The following POLR1C variants were observed in gnomAD, a reference collection of about 807,000 sequenced individuals.
POLR1C encodes RNA polymerase I and III subunit C, also known as DNA-directed RNA polymerases I and III subunit RPAC1.
Under a neutral mutation model 38.3 loss-of-function variants are expected in POLR1C, and 42 were observed. The ratio of observed to expected loss-of-function variants is 1.10; its 90% CI spans 0.86 to 1.42. POLR1C has a LOEUF of 1.42. POLR1C is among the 40% of genes most tolerant of loss of function. POLR1C has a pLI of 0.00. For synonymous variants in POLR1C, 163 were observed against 163.9 expected (o/e 0.99, Z 0.04); for missense variants, 507 against 450.5 (o/e 1.13, Z -1.14).
At chr6:43,539,305 G>A (rs1794548664) in intron 9 of POLR1C, 3 of 1,554,504 alleles carry the variant, frequency 1.9e-6, no homozygotes, top group East Asian at 2.2e-5. Flanking sequence ...CGTGGCCACT[G>A]TAGTCCCCGA....
chr6:43,539,424 TG>T (rs1794558156), intron 9 of POLR1C: 1 of 1,565,034 alleles, frequency 6.4e-7, no homozygotes, highest in East Asian at 2.2e-5. Context: ...AAAAAGTCAA[TG>T]ATCTCTGATT....
downstream of POLR1C, among the ~76,000 whole-genome samples, chr6:43,534,488 A>G (rs553015277): frequency 2.6e-5 from 4 of 152,326 alleles, no homozygotes; most frequent in South Asian, 8.3e-4. Flanking sequence ...TTCCCAACAC[A>G]TGCTGTCCCC....
At chr6:43,525,270 TG>T (rs1793498456), downstream of POLR1C, 2 of 1,505,218 alleles carry the variant, frequency 1.3e-6, no homozygotes, top group African/African-American at 2.8e-5. Context: ...TTTTCTCTGA[TG>T]ATTATTACAC....
At chr6:43,524,439 GT>G (rs1793415998), downstream of POLR1C, 1 of 1,605,366 alleles carries the variant, frequency 6.2e-7, no homozygotes, top group Non-Finnish European at 8.5e-7. Flanking sequence ...TAAGAAGGGG[GT>G]TGGGAGCACT....
intron 9 of POLR1C, among the ~76,000 whole-genome samples, chr6:43,547,941 AAAG>A (rs2127728802): frequency 6.6e-6 from 1 of 152,334 alleles, no homozygotes; most frequent in East Asian, 1.9e-4. Context: ...TTCAAAATAT[AAAG>A]AAAATAATTT....
chr6:43,524,839 C>T, downstream of POLR1C: 2 of 1,612,180 alleles, frequency 1.2e-6, no homozygotes, highest in Middle Eastern at 1.8e-4. Flanking sequence ...ACCAGTGCCT[C>T]GTATATCTGG....
chr6:43,556,079 C>T, intron 10 of POLR1C: 1 of 1,385,284 alleles, frequency 7.2e-7, no homozygotes, highest in Non-Finnish European at 9.7e-7. Context: ...AACTGTTTTG[C>T]AGACTTGTGC....
At chr6:43,538,680 C>T in intron 9 of POLR1C, 1 of 413,600 alleles carries the variant, frequency 2.4e-6, no homozygotes, top group Non-Finnish European at 4.2e-6. Context: ...TGATTTAGGC[C>T]TATAATTTTC....
chr6:43,553,776 A>G (rs775223654), intron 10 of POLR1C: 24 of 373,932 alleles, frequency 6.4e-5, no homozygotes, highest in African/African-American at 2.5e-4. Flanking sequence ...TTGTAGTAAA[A>G]CCATTTTGAG....
chr6:43,540,574 A>G (rs1794638929), intron 9 of POLR1C, among the ~76,000 whole-genome samples: 1 of 152,198 alleles, frequency 6.6e-6, no homozygotes, highest in African/African-American at 2.4e-5. Flanking sequence ...AAGCGCTTGA[A>G]CCTGGGAGGT....
downstream of POLR1C, chr6:43,533,790 G>T: frequency 1.6e-6 from 1 of 619,376 alleles, no homozygotes; most frequent in Non-Finnish European, 2.6e-6. Flanking sequence ...AGCTATGGTT[G>T]CACCAGTGCA....
chr6:43,530,285 G>A (rs990476983), downstream of POLR1C, among the ~76,000 whole-genome samples: 9 of 151,858 alleles, frequency 5.9e-5, no homozygotes, highest in East Asian at 1.9e-4. Context: ...TCAGCTGGGC[G>A]TGATGGTGCA....
At chr6:43,551,273 TTTAC>T in intron 10 of POLR1C, 6 of 1,531,866 alleles carry the variant, frequency 3.9e-6, no homozygotes, top group Non-Finnish European at 5.3e-6. Context: ...CAAAATAAAA[TTTAC>T]AAAGGAGATG....
chr6:43,535,202 G>T (rs914298923), intron 9 of POLR1C, among the ~76,000 whole-genome samples: 2 of 151,798 alleles, frequency 1.3e-5, no homozygotes, highest in African/African-American at 4.8e-5. Context: ...TGAGCTTGCA[G>T]TGAGCCAAGA....
Position 43,519,782 on chromosome 6 carries a change from G to A in POLR1C, c.326G>A (p.Arg109His), listed in dbSNP as rs796052127. ...GTTCAGGATGAGATTCTTGCTCACC[G>A]TCTGGGGCTCATTCCCATTCATGCT... is the stretch of plus-strand genomic sequence containing the variant. ...SIVQDEILAH[R>H]LGLIPIHADP... is the part of the protein sequence containing the mutation. Residue 109 changes from arginine (R) to histidine (H), a missense_variant, in exon 4 of 9, where the codon CGT becomes CAT. By Grantham distance (29) the Arg-to-His change is conservative. Coordinates refer to ENST00000642195, the MANE Select transcript of POLR1C (RefSeq NM_203290.4). 14 of 1,614,048 alleles carry A rather than the reference G, an allele frequency of 8.7e-6. No individual in the cohort carries two copies. The highest frequency in any genetic ancestry group is 4.4e-5 in the South Asian group (4 of 91,092).
chr6:43,553,637 G>A (rs188654301), intron 10 of POLR1C: 242 of 1,423,838 alleles, frequency 1.7e-4, no homozygotes, highest in Non-Finnish European at 2.1e-4. Flanking sequence ...AAGGAGCAGG[G>A]TAATCTAACC....
At position 43,520,144 on chromosome 6, in the gene POLR1C, A is replaced by C; in HGVS notation, c.461A>C (p.Lys154Thr). The C allele has an allele frequency of 6.2e-7, 1 of 1,614,212 alleles. No homozygotes were observed. Among genetic ancestry groups the C allele is most frequent in the Admixed American group, 1.7e-5 (1 of 60,020 alleles). Residue 154 changes from lysine to threonine, a missense_variant, in exon 5 of 9, where the codon AAA (lysine) becomes ACA (threonine). Lys to Thr is a moderately conservative substitution (Grantham distance 78). Transcript: ENST00000642195. ...TGCACTCGGAACCCCCATGCTGCTA[A>C]AGATTCCTCTGACCCCAACGAACTG... Reference protein sequence around the residue: ...VRCTRNPHAAKDSSDPNELYV... With the variant: ...VRCTRNPHAATDSSDPNELYV...
At chr6:43,518,899 C>T (rs1792990144) in intron 2 of POLR1C, among the ~76,000 whole-genome samples, 1 of 152,154 alleles carries the variant, frequency 6.6e-6, no homozygotes, top group Non-Finnish European at 1.5e-5. Flanking sequence ...CCAGGCTGGT[C>T]TCAAACTCCT....
intron 9 of POLR1C, chr6:43,549,834 G>C: frequency 6.7e-7 from 1 of 1,492,710 alleles, no homozygotes; most frequent in African/African-American, 1.4e-5. Flanking sequence ...CTGAGTATCA[G>C]GTATTCATAC....
Sources: allele counts gnomAD v4.1 joint callset (sites outside exome capture counted in the v4.1 genomes callset), GRCh38; gene constraint gnomAD v4.1.1; transcripts MANE v1.5; gene names NCBI Gene and HGNC (gene_info 2026-07-23, HGNC 2026-07-21).